EXTL3: variants seen among roughly 807,000 people sequenced by gnomAD.
The protein encoded by EXTL3 is exostosin-like 3.
Under a neutral mutation model 69.3 loss-of-function variants are expected in EXTL3, and 27 were observed. The ratio of observed to expected loss-of-function variants is 0.39; its 90% CI spans 0.29 to 0.54. The LOEUF (loss-of-function observed/expected upper bound fraction) is 0.54. Among genes scored for constraint, EXTL3 ranks in the 20% least tolerant of loss-of-function variants. The pLI, the probability that EXTL3 is intolerant of heterozygous loss-of-function variation, is 0.69. For synonymous variants in EXTL3, 511 were observed against 499.4 expected, an observed-to-expected ratio of 1.02 and a Z score of -0.31; for missense variants, 1,003 against 1,231.8, an observed-to-expected ratio of 0.81 and a Z score of 2.78.
rs191205465 is a variant in EXTL3 at position 28,753,619 on chromosome 8, G to A, written c.*2753G>A. 1.3e-4 allele frequency: 20 copies of A among 152,692 alleles called. No homozygotes were observed. The highest frequency in any genetic ancestry group is 4.3e-4 in the African/African-American group (18 of 41,534). 9.5% of individuals were successfully genotyped at this position (152,692 alleles called of 1,614,324 possible). A position where few individuals can be genotyped will look rare whatever the true frequency, so the allele number is the denominator to read the frequency against. On this transcript the variant is annotated 3_prime_UTR_variant, in exon 7 of 7. Transcript: ENST00000220562. ...ACGTCCATCCACCCCACCCCTTTTC[G>A]TCACGAGCACAATGGTCTTACATTG... is the stretch of plus-strand genomic sequence containing the variant.
At chr8:28,647,128 G>C (rs916902183) in intron 1 of EXTL3, among the ~76,000 whole-genome samples, 196 of 151,064 alleles carry the variant, frequency 1.3e-3, no homozygotes, top group African/African-American at 4.6e-3. Flanking sequence ...TTTTGAGACG[G>C]AGTTTTGCTC....
At chr8:28,628,573 A>G (rs1019122268) in intron 1 of EXTL3, among the ~76,000 whole-genome samples, 28 of 152,082 alleles carry the variant, frequency 1.8e-4, no homozygotes, top group African/African-American at 5.8e-4. Context: ...TGTTCAATCT[A>G]TTTTACCACA....
At chr8:28,729,125 G>A (rs565284431) in intron 3 of EXTL3, among the ~76,000 whole-genome samples, 153 of 151,556 alleles carry the variant, frequency 1.0e-3, no homozygotes, top group African/African-American at 3.5e-3. Flanking sequence ...GTGAAACCCT[G>A]TCTCTACAAA....
chr8:28,721,958 G>A (rs1332661528), intron 3 of EXTL3, among the ~76,000 whole-genome samples: 4 of 152,194 alleles, frequency 2.6e-5, no homozygotes, highest in Non-Finnish European at 4.4e-5. Flanking sequence ...ACTGACTGCT[G>A]AGACAGTCTC....
Position 28,684,501 on chromosome 8 carries a change from G to T in EXTL3, c.-52-28956G>T, listed in dbSNP as rs6996304. On this transcript the variant is annotated intron_variant, in intron 1 of 6. Transcript: ENST00000523149. ...CTCACCCTTGTAATCCCAGTACTTT[G>T]GGAGGCTGAGGTGGGAGGATTGCTT... is the stretch of plus-strand genomic sequence containing the variant. Among the ~76,000 whole-genome samples the T allele has an allele frequency of 5.7e-3, 866 of 152,200 alleles. 9 individuals are homozygous for T. The highest frequency in any genetic ancestry group is 0.02 in the African/African-American group (814 of 41,532).
chr8:28,655,366 T>C (rs576400982), intron 1 of EXTL3, among the ~76,000 whole-genome samples: 2 of 152,332 alleles, frequency 1.3e-5, no homozygotes, highest in East Asian at 3.9e-4. Context: ...TTGAATACTT[T>C]GCCATGGTCA....
At chr8:28,692,339 G>A (rs927975511) in intron 1 of EXTL3, among the ~76,000 whole-genome samples, 18 of 152,116 alleles carry the variant, frequency 1.2e-4, no homozygotes, top group Admixed American at 1.0e-3. Context: ...GTTGGGGAAG[G>A]GATCAATTAT....
intron 3 of EXTL3, among the ~76,000 whole-genome samples, chr8:28,724,121 A>G (rs1421545214): frequency 2.0e-5 from 3 of 152,222 alleles, no homozygotes; most frequent in Admixed American, 6.5e-5. Context: ...TATGAAAATT[A>G]AAATAGAGAC....
intron 1 of EXTL3, among the ~76,000 whole-genome samples, chr8:28,679,101 G>C (rs747311213): frequency 6.6e-6 from 1 of 152,178 alleles, no homozygotes; most frequent in Non-Finnish European, 1.5e-5. Context: ...TGCCAGCACT[G>C]TTCTATGCTC....
upstream of EXTL3, among the ~76,000 whole-genome samples, chr8:28,618,656 G>T (rs1416529918): frequency 6.6e-6 from 1 of 152,120 alleles, no homozygotes. Context: ...CAAAAAGTGT[G>T]GGGGATTTAT....
At chr8:28,658,471 T>TC (rs1160885754) in intron 1 of EXTL3, among the ~76,000 whole-genome samples, 10 of 152,204 alleles carry the variant, frequency 6.6e-5, no homozygotes, top group Admixed American at 3.3e-4. Flanking sequence ...ATTCTTTTTT[T>TC]CCCTTCCTTG....
chr8:28,660,495 G>C (rs1222214504), intron 1 of EXTL3, among the ~76,000 whole-genome samples: 2 of 149,276 alleles, frequency 1.3e-5, no homozygotes, highest in Admixed American at 6.6e-5. Context: ...TGTACACACA[G>C]ACATATATAT....
intron 1 of EXTL3, among the ~76,000 whole-genome samples, chr8:28,676,568 G>A (rs1420569476): frequency 3.3e-5 from 5 of 152,232 alleles, no homozygotes; most frequent in Non-Finnish European, 7.3e-5. Context: ...TTAGGGCTCA[G>A]AGAAAGAGGT....
intron 1 of EXTL3, among the ~76,000 whole-genome samples, chr8:28,688,651 A>C (rs1800565645): frequency 1.3e-5 from 2 of 152,180 alleles, no homozygotes; most frequent in Non-Finnish European, 2.9e-5. Flanking sequence ...CCCGTGTTGT[A>C]AGATGATGGT....
downstream of EXTL3, among the ~76,000 whole-genome samples, chr8:28,756,173 G>A (rs1025083936): frequency 1.3e-5 from 2 of 152,198 alleles, no homozygotes; most frequent in African/African-American, 2.4e-5. Flanking sequence ...ACACACCTGT[G>A]TAACCCAGAC....
At chr8:28,657,052 C>T (rs1807022946) in intron 1 of EXTL3, among the ~76,000 whole-genome samples, 1 of 152,126 alleles carries the variant, frequency 6.6e-6, no homozygotes, top group Non-Finnish European at 1.5e-5. Flanking sequence ...CCACCTCAGC[C>T]TCCCAAGTAG....
intron 1 of EXTL3, chr8:28,678,106 T>C (rs772603742): frequency 6.6e-6 from 1 of 152,448 alleles, no homozygotes; most frequent in Non-Finnish European, 1.5e-5. Context: ...CGGAAACTGC[T>C]GTATCTGCTG....
intron 2 of EXTL3, among the ~76,000 whole-genome samples, chr8:28,610,587 T>C (rs1806258738): frequency 6.6e-6 from 1 of 152,136 alleles, no homozygotes; most frequent in Non-Finnish European, 1.5e-5. Flanking sequence ...GGCGCTTTCA[T>C]GTGTCAGCCC....
chr8:28,619,845 C>CTTTT (rs56276866), upstream of EXTL3, among the ~76,000 whole-genome samples: 3 of 50,852 alleles, frequency 5.9e-5, 1 homozygote, highest in Non-Finnish European at 1.1e-4. Context: ...GCTTCTGGTT[C>CTTTT]TTTTTTTTTT....
Sources: allele counts gnomAD v4.1 joint callset (sites outside exome capture counted in the v4.1 genomes callset), GRCh38; gene constraint gnomAD v4.1.1; transcripts MANE v1.5; gene names NCBI Gene and HGNC (gene_info 2026-07-23, HGNC 2026-07-21).